MAGI2: variants seen among roughly 807,000 people sequenced by gnomAD.
MAGI2 encodes the protein membrane associated guanylate kinase, WW and PDZ domain containing 2, also known as membrane-associated guanylate kinase, WW and PDZ domain-containing protein 2.
MAGI2 carries 35 observed loss-of-function variants against 133.3 expected under a neutral mutation model. The ratio of observed to expected loss-of-function variants is 0.26; its 90% CI spans 0.20 to 0.35. MAGI2 has a LOEUF of 0.35. MAGI2 is among the 10% of genes least tolerant of loss of function. The probability of loss-of-function intolerance (pLI) is 1.00; values close to 1 mark genes in which losing one functional copy is unlikely to be tolerated. For missense variants in MAGI2, 1,636 were observed against 1,863.4 expected, an observed-to-expected ratio of 0.88 and a Z score of 2.25; for synonymous variants, 729 against 710.6, an observed-to-expected ratio of 1.03 and a Z score of -0.41.
intron 16 of MAGI2, among the ~76,000 whole-genome samples, chr7:78,137,844 C>T (rs1353733050): frequency 6.6e-6 from 1 of 152,182 alleles, no homozygotes; most frequent in Non-Finnish European, 1.5e-5. Flanking sequence ...AACACACACA[C>T]TTTCATATTT....
At chr7:78,405,173 G>A (rs1797262069) in intron 6 of MAGI2, among the ~76,000 whole-genome samples, 1 of 152,024 alleles carries the variant, frequency 6.6e-6, no homozygotes. Context: ...TTTAATTTAT[G>A]CAAACTTAGC....
chr7:78,707,122 CTTAA>C (rs553563714), intron 2 of MAGI2, among the ~76,000 whole-genome samples: 3 of 151,968 alleles, frequency 2.0e-5, no homozygotes, highest in Non-Finnish European at 4.4e-5. Context: ...ACACCCTTAA[CTTAA>C]TTAGGGGAAT....
intron 2 of MAGI2, among the ~76,000 whole-genome samples, chr7:78,662,077 T>C (rs144018225): frequency 1.3e-5 from 2 of 152,340 alleles, no homozygotes; most frequent in African/African-American, 2.4e-5. Flanking sequence ...ATGTCTGAGA[T>C]GTAGAGTTTT....
intron 2 of MAGI2, among the ~76,000 whole-genome samples, chr7:78,642,041 A>C (rs992386197): frequency 1.3e-4 from 20 of 152,178 alleles, no homozygotes; most frequent in African/African-American, 4.8e-4. Flanking sequence ...CTGTGTGCTA[A>C]GGAATTTACC....
chr7:78,363,218 C>G lies in MAGI2; in HGVS notation c.1103+5938G>C, dbSNP rs759097228. 3.9e-5 allele frequency among the ~76,000 whole-genome samples: 6 copies of G among 152,268 alleles called. No homozygotes were observed. The South Asian group carries it at 6.2e-4, about 16-fold the overall frequency. ...TTGTTAATAATTCTGAGGAGGCCGG[C>G]CGCGGTGGCTCACACCTGTAATCCC... On this transcript the variant is annotated intron_variant, in intron 7 of 21. Transcript: ENST00000354212.
chr7:79,397,858 T>C (rs902131740), intron 1 of MAGI2, among the ~76,000 whole-genome samples: 6 of 152,212 alleles, frequency 3.9e-5, no homozygotes, highest in African/African-American at 7.2e-5. Context: ...AGATATCATA[T>C]ATATTTCAAT....
At chr7:78,065,261 G>A (rs1189003908) in intron 21 of MAGI2, among the ~76,000 whole-genome samples, 1 of 152,146 alleles carries the variant, frequency 6.6e-6, no homozygotes. Context: ...GACTTGCACT[G>A]AATCCCAGGG....
chr7:78,243,261 ACACACACACTCTCT>A (rs749371970), intron 10 of MAGI2, among the ~76,000 whole-genome samples: 2,555 of 43,458 alleles, frequency 0.059, 27 homozygotes, highest in Admixed American at 0.12. Context: ...ACACACACAC[ACACACACACTCTCT>A]CTCTCTCTCT....
chr7:78,377,998 T>C (rs1216928514), intron 6 of MAGI2, among the ~76,000 whole-genome samples: 2 of 152,004 alleles, frequency 1.3e-5, no homozygotes, highest in Non-Finnish European at 2.9e-5. Context: ...CAAATACTTA[T>C]AAATAAAAAC....
chr7:78,054,738 C>T (rs552145747), intron 21 of MAGI2, among the ~76,000 whole-genome samples: 17 of 151,968 alleles, frequency 1.1e-4, no homozygotes, highest in Non-Finnish European at 1.8e-4. Context: ...CGGCTCACTG[C>T]AGCCTCAACC....
At chr7:79,129,697 G>A (rs1370199767) in intron 1 of MAGI2, among the ~76,000 whole-genome samples, 1 of 152,098 alleles carries the variant, frequency 6.6e-6, no homozygotes, top group Non-Finnish European at 1.5e-5. Flanking sequence ...AACAGAATAG[G>A]CCACAGAACT....
At chr7:79,427,583 GT>G (rs1450066426) in intron 1 of MAGI2, among the ~76,000 whole-genome samples, 5 of 152,228 alleles carry the variant, frequency 3.3e-5, no homozygotes, top group Non-Finnish European at 5.9e-5. Context: ...AATATTCTTG[GT>G]TGAGGAAGGG....
intron 1 of MAGI2, among the ~76,000 whole-genome samples, chr7:79,097,100 A>T (rs1817582863): frequency 6.6e-6 from 1 of 152,192 alleles, no homozygotes; most frequent in Admixed American, 6.5e-5. Context: ...TTATTAGCTA[A>T]TCCTCACTGA....
intron 3 of MAGI2, chr7:78,619,048 C>CATCATGA (rs1807431196): frequency 7.3e-6 from 1 of 137,138 alleles, no homozygotes; most frequent in Non-Finnish European, 1.6e-5. Context: ...CAAATGTTCT[C>CATCATGA]ATCATGAAGA....
intron 16 of MAGI2, among the ~76,000 whole-genome samples, chr7:78,150,196 G>C (rs1823734302): frequency 1.3e-5 from 2 of 152,106 alleles, no homozygotes; most frequent in African/African-American, 4.8e-5. Context: ...ACATCAAAAA[G>C]AAATATTTTA....
At chr7:78,030,818 T>C (rs1809493436) in intron 21 of MAGI2, among the ~76,000 whole-genome samples, 1 of 152,236 alleles carries the variant, frequency 6.6e-6, no homozygotes, top group African/African-American at 2.4e-5. Flanking sequence ...GGAAACAGTT[T>C]GGCCGATCCT....
chr7:78,284,213 T>C (rs1266084533), intron 9 of MAGI2, among the ~76,000 whole-genome samples: 2 of 152,102 alleles, frequency 1.3e-5, no homozygotes, highest in Non-Finnish European at 2.9e-5. Context: ...GCTTAAACCT[T>C]CCCCTAGGCA....
chr7:79,188,983 A>G (rs950394811), intron 1 of MAGI2, among the ~76,000 whole-genome samples: 1 of 151,828 alleles, frequency 6.6e-6, no homozygotes. Flanking sequence ...ACAATTATAA[A>G]TATTTTATGT....
At chr7:78,144,658 A>G (rs1275806127) in intron 16 of MAGI2, among the ~76,000 whole-genome samples, 2 of 152,166 alleles carry the variant, frequency 1.3e-5, no homozygotes, top group African/African-American at 2.4e-5. Context: ...TCCCAGACGT[A>G]GGTAGTTTGC....
Sources: allele counts gnomAD v4.1 joint callset (sites outside exome capture counted in the v4.1 genomes callset), GRCh38; gene constraint gnomAD v4.1.1; transcripts MANE v1.5; gene names NCBI Gene and HGNC (gene_info 2026-07-23, HGNC 2026-07-21).